PTTG1IP2: variants seen among roughly 807,000 people sequenced by gnomAD.
The protein encoded by PTTG1IP2 is PTTG1IP family member 2.
intron 1 of PTTG1IP2, among the ~76,000 whole-genome samples, chr7:90,475,984 G>T (rs1056945325): frequency 6.6e-6 from 1 of 150,812 alleles, no homozygotes; most frequent in Non-Finnish European, 1.5e-5. Context: ...AAGTTTTGAA[G>T]AAAAGAAAAT....
intron 1 of PTTG1IP2, among the ~76,000 whole-genome samples, chr7:90,475,548 A>G (rs1797738770): frequency 6.6e-6 from 1 of 152,244 alleles, no homozygotes; most frequent in South Asian, 2.1e-4. Flanking sequence ...ATGCAGTACA[A>G]AAGAACAAGA....
At chr7:90,498,234 C>G (rs1006722334) in intron 6 of PTTG1IP2, among the ~76,000 whole-genome samples, 2 of 152,198 alleles carry the variant, frequency 1.3e-5, no homozygotes, top group Admixed American at 1.3e-4. Flanking sequence ...ACTGTGTTAG[C>G]CAGGATGGTC....
chr7:90,473,420 C>T (rs908541974), intron 1 of PTTG1IP2, among the ~76,000 whole-genome samples: 3 of 152,180 alleles, frequency 2.0e-5, no homozygotes, highest in Non-Finnish European at 4.4e-5. Flanking sequence ...AGTCCAGTCA[C>T]ACCCTAGTGC....
At chr7:90,506,596 C>G (rs1798127061) in intron 6 of PTTG1IP2, among the ~76,000 whole-genome samples, 1 of 152,062 alleles carries the variant, frequency 6.6e-6, no homozygotes, top group Non-Finnish European at 1.5e-5. Context: ...GACCCTGTCT[C>G]TACTAAAAAA....
intron 1 of PTTG1IP2, among the ~76,000 whole-genome samples, chr7:90,470,596 A>G (rs1483596011): frequency 1.3e-5 from 2 of 152,244 alleles, no homozygotes; most frequent in East Asian, 3.8e-4. Flanking sequence ...GTAGAAAAGA[A>G]TGTTAGTATC....
At chr7:90,484,246 C>G (rs1274900850) in intron 2 of PTTG1IP2, among the ~76,000 whole-genome samples, 2 of 151,862 alleles carry the variant, frequency 1.3e-5, no homozygotes, top group African/African-American at 4.8e-5. Flanking sequence ...TCTGCACATC[C>G]CATCCCCCAA....
chr7:90,493,081 A>G (rs1797957309), intron 5 of PTTG1IP2, among the ~76,000 whole-genome samples: 1 of 152,150 alleles, frequency 6.6e-6, no homozygotes, highest in African/African-American at 2.4e-5. Flanking sequence ...TTACATCATG[A>G]TAATATGACT....
chr7:90,509,436 T>G (rs988856209), intron 6 of PTTG1IP2, among the ~76,000 whole-genome samples: 5 of 152,088 alleles, frequency 3.3e-5, no homozygotes, highest in Admixed American at 6.6e-5. Flanking sequence ...AAGTCTCCAC[T>G]GTGGGTGGCT....
chr7:90,513,131 A>C (rs1292283908), intron 6 of PTTG1IP2, 147 bp from the exon 7 acceptor site: 2 of 152,672 alleles, frequency 1.3e-5, no homozygotes, highest in Non-Finnish European at 2.9e-5. Context: ...ACAGCTTTTC[A>C]AGGGATGAAT....
intron 2 of PTTG1IP2, among the ~76,000 whole-genome samples, chr7:90,479,667 C>A (rs1006361358): frequency 3.3e-5 from 5 of 152,196 alleles, no homozygotes; most frequent in African/African-American, 1.2e-4. Context: ...TCCTTAACCA[C>A]AGTGTAGATG....
intron 6 of PTTG1IP2, among the ~76,000 whole-genome samples, chr7:90,501,829 G>C (rs1170678517): frequency 3.3e-5 from 5 of 152,140 alleles, no homozygotes; most frequent in Non-Finnish European, 5.9e-5. Flanking sequence ...GTGGCAATGA[G>C]GTTTGCCACA....
rs533249216 is a variant in PTTG1IP2 at position 90,475,958 on chromosome 7, A to G, written c.146-3270A>G. Among the ~76,000 whole-genome samples, 10 of 152,096 alleles carry G rather than the reference A, an allele frequency of 6.6e-5. No homozygotes were observed. In the East Asian group the frequency reaches 1.2e-3, roughly 18 times the overall value. On this transcript the variant is annotated intron_variant, in intron 1 of 6. Transcript: ENST00000509356. ...CTGTCTCAAAAAAAAAAAAAAGAAA[A>G]AGAAAAATATCTTTAAAGTTTTGAA... is the stretch of plus-strand genomic sequence containing the variant.
chr7:90,511,396 A>AGTG (rs1470277950), intron 6 of PTTG1IP2, among the ~76,000 whole-genome samples: 27 of 152,152 alleles, frequency 1.8e-4, no homozygotes, highest in Non-Finnish European at 2.1e-4. Context: ...TGAATTCCTT[A>AGTG]GTGATATAGG....
intron 6 of PTTG1IP2, among the ~76,000 whole-genome samples, chr7:90,499,072 G>A (rs1278158006): frequency 1.3e-5 from 2 of 152,062 alleles, no homozygotes; most frequent in East Asian, 1.9e-4. Context: ...GGCTGGTCTC[G>A]AACCCCTGGG....
At chr7:90,500,438 GGGGAGAAT>G (rs1401657526) in intron 6 of PTTG1IP2, among the ~76,000 whole-genome samples, 1 of 152,160 alleles carries the variant, frequency 6.6e-6, no homozygotes, top group African/African-American at 2.4e-5. Flanking sequence ...ACTGGGTTTG[GGGGAGAAT>G]GGGATGAGAG....
At chr7:90,471,907 C>T (rs933325735) in intron 1 of PTTG1IP2, among the ~76,000 whole-genome samples, 2 of 152,096 alleles carry the variant, frequency 1.3e-5, no homozygotes, top group African/African-American at 4.8e-5. Context: ...TCCAAAGATA[C>T]CCCTTCATGG....
intron 4 of PTTG1IP2, among the ~76,000 whole-genome samples, chr7:90,491,804 G>A (rs6970733): frequency 0.57 from 86,440 of 151,784 alleles, 25,291 homozygotes; most frequent in Non-Finnish European, 0.64. Context: ...CCTGGTGGAG[G>A]GATAAAAGAA....
rs1491565834 is a variant in PTTG1IP2 at position 90,497,713 on chromosome 7, T to TAAAAAAAAAAAAAAAAAAAAAAAAAAAAA, written c.*50+3284_*50+3285insAAAAAAAAAAAAAAAAAAAAAAAAAAAAA. ...GCCTGAGCGACAGAGAAAGACCCTG[T>TAAAAAAAAAAAAAAAAAAAAAAAAAAAAA]ATAAAAAAAAAAAAAAAAAAAAAAA... On this transcript the variant is annotated intron_variant, in intron 6 of 6. Transcript: ENST00000509356. Among the ~76,000 whole-genome samples, 5 of 49,600 alleles carry TAAAAAAAAAAAAAAAAAAAAAAAAAAAAA rather than the reference T, an allele frequency of 1.0e-4. 1 individual carries two copies. The highest frequency in any genetic ancestry group is 5.1e-4 in the African/African-American group (5 of 9,818). The allele number at this position is 49,600 out of a possible 152,430, so 32.5% of individuals were successfully genotyped here.
intron 2 of PTTG1IP2, among the ~76,000 whole-genome samples, chr7:90,480,984 A>C (rs778120661): frequency 1.7e-4 from 26 of 152,288 alleles, no homozygotes; most frequent in Non-Finnish European, 3.5e-4. Context: ...TTTTGTTCTT[A>C]TAAACTGATA....
Sources: allele counts gnomAD v4.1 joint callset (sites outside exome capture counted in the v4.1 genomes callset), GRCh38; gene constraint gnomAD v4.1.1; transcripts MANE v1.5; gene names NCBI Gene and HGNC (gene_info 2026-07-23, HGNC 2026-07-21).